The following SYNPR variants were observed in gnomAD, a reference collection of about 807,000 sequenced individuals.
The protein encoded by SYNPR is synaptoporin.
Under a neutral mutation model 32.9 loss-of-function variants are expected in SYNPR, and 23 were observed. The observed-to-expected ratio is 0.70, with a 90% confidence interval of 0.50 to 0.99. The LOEUF (loss-of-function observed/expected upper bound fraction) is 0.99, where lower values mean the gene tolerates loss of function less well. Ranked by LOEUF, SYNPR falls within the 50% of genes least tolerant of loss-of-function variation. The pLI is 0.00. For synonymous variants in SYNPR, 146 were observed against 135.9 expected (o/e 1.07, Z -0.52); for missense variants, 318 against 349.3 (o/e 0.91, Z 0.71).
chr3:63,456,559 G>GATC (rs1472843569), intron 2 of SYNPR, among the ~76,000 whole-genome samples: 2 of 152,174 alleles, frequency 1.3e-5, no homozygotes, highest in Admixed American at 1.3e-4. Flanking sequence ...TGAGACAGGG[G>GATC]ATCACCCTCT....
At chr3:63,205,489 A>T in the SYNPR span, among the ~76,000 whole-genome samples, 4 of 152,220 alleles carry the variant, frequency 2.6e-5, no homozygotes, top group Non-Finnish European at 5.9e-5. Flanking sequence ...CCCATCACTT[A>T]TAGGGAGAAG....
intron 2 of SYNPR, among the ~76,000 whole-genome samples, chr3:63,304,426 T>C (rs998545982): frequency 1.3e-5 from 2 of 151,884 alleles, no homozygotes; most frequent in African/African-American, 4.8e-5. Flanking sequence ...ATTTTTCCTC[T>C]TTTAACAATG....
intron 4 of SYNPR, among the ~76,000 whole-genome samples, chr3:63,591,400 A>G (rs1337879430): frequency 7.8e-6 from 1 of 127,756 alleles, no homozygotes; most frequent in Non-Finnish European, 1.6e-5. Flanking sequence ...CAGTGTGGCG[A>G]TTCCTCAGGG....
chr3:63,567,366 T>G (rs186084272), intron 4 of SYNPR, among the ~76,000 whole-genome samples: 205 of 152,306 alleles, frequency 1.3e-3, no homozygotes, highest in Non-Finnish European at 2.0e-3. Context: ...ACTTGGAAAT[T>G]TGATTGGGGC....
At position 63,305,069 on chromosome 3, in the gene SYNPR, AT is replaced by A. The variant is rs138185297; in HGVS notation, c.84+26328del. On this transcript the variant is annotated intron_variant, in intron 2 of 5. Transcript: ENST00000478300. ...ATCCCAGTGACCTTCTGGTATTCAA[AT>A]CTTTATGCAGTCCCCTCCCACATTG... is the stretch of plus-strand genomic sequence containing the variant. Among the ~76,000 whole-genome samples the A allele has an allele frequency of 3.1e-4, 47 of 152,056 alleles. No individual in the cohort carries two copies. In the East Asian group the frequency reaches 8.2e-3, roughly 26 times the overall value.
chr3:63,276,356 C>T (rs752277858), upstream of SYNPR, among the ~76,000 whole-genome samples: 1 of 152,152 alleles, frequency 6.6e-6, no homozygotes, highest in Non-Finnish European at 1.5e-5. Flanking sequence ...CTGATATGGA[C>T]CTCTGAGTCT....
At chr3:63,537,843 G>A (rs980210824) in intron 3 of SYNPR, among the ~76,000 whole-genome samples, 2 of 152,056 alleles carry the variant, frequency 1.3e-5, no homozygotes, top group Non-Finnish European at 2.9e-5. Context: ...AGCTTCCTAA[G>A]AAGAATAAGA....
At chr3:63,408,277 G>GAGGAAGGAAGGA (rs71126602) in intron 2 of SYNPR, among the ~76,000 whole-genome samples, 32 of 45,636 alleles carry the variant, frequency 7.0e-4, no homozygotes, top group Admixed American at 1.8e-3. Context: ...AAGAAAGAAA[G>GAGGAAGGAAGGA]AGGAAGGAAG....
At chr3:63,593,895 C>G (rs58805987) in intron 4 of SYNPR, among the ~76,000 whole-genome samples, 32 of 152,084 alleles carry the variant, frequency 2.1e-4, no homozygotes, top group Non-Finnish European at 4.7e-4. Context: ...TGGTCTCCCC[C>G]ACTCTCTTCC....
chr3:63,224,225 T>C (rs2086112968), upstream of SYNPR, among the ~76,000 whole-genome samples: 2 of 152,194 alleles, frequency 1.3e-5, no homozygotes, highest in Admixed American at 1.3e-4. Flanking sequence ...AGCTGCAGCA[T>C]TAGATTCTCA....
In SYNPR at chr3:63,442,944, T is replaced by C. The variant is rs536376320; in HGVS notation, c.85-37888T>C. 6 of 770,230 alleles carry C rather than the reference T, an allele frequency of 7.8e-6. No homozygotes were observed. The South Asian group carries it at 3.5e-4, about 45-fold the overall frequency. The allele number at this position is 770,230 out of a possible 1,614,324, so 47.7% of individuals were successfully genotyped here. ...TTTATAAAACCACCATTTTTCCCCATACCCTTAAAACACAAAATTCTGGCT... is the reference window on the plus strand; with the variant it reads ...TTTATAAAACCACCATTTTTCCCCACACCCTTAAAACACAAAATTCTGGCT... On this transcript the variant is annotated intron_variant, in intron 2 of 5. Coordinates refer to ENST00000478300, the MANE Select transcript of SYNPR (RefSeq NM_001130003.2).
intron 1 of SYNPR, among the ~76,000 whole-genome samples, chr3:63,248,177 T>C (rs909039486): frequency 2.6e-5 from 4 of 152,154 alleles, no homozygotes; most frequent in Admixed American, 6.6e-5. Context: ...CCCTGCAGAA[T>C]TCATCAGACC....
intron 1 of SYNPR, among the ~76,000 whole-genome samples, chr3:63,234,745 G>A (rs2086189350): frequency 6.6e-6 from 1 of 152,208 alleles, no homozygotes; most frequent in Admixed American, 6.5e-5. Context: ...AAAGTAGCAT[G>A]TTCTGCTCGG....
chr3:63,248,909 G>A (rs1413554640), intron 1 of SYNPR, among the ~76,000 whole-genome samples: 2 of 151,962 alleles, frequency 1.3e-5, no homozygotes, highest in Non-Finnish European at 2.9e-5. Flanking sequence ...CATTGTCAAC[G>A]CATAATTGTT....
chr3:63,317,577 T>C (rs1424191081), intron 2 of SYNPR, among the ~76,000 whole-genome samples: 1 of 152,058 alleles, frequency 6.6e-6, no homozygotes, highest in African/African-American at 2.4e-5. Flanking sequence ...GGTGTCCATT[T>C]GCACAAAATG....
chr3:63,486,062 C>A (rs1701142852), intron 3 of SYNPR, among the ~76,000 whole-genome samples: 2 of 152,254 alleles, frequency 1.3e-5, no homozygotes. Context: ...ATGTGCACCA[C>A]CATGCCTGGC....
At chr3:63,308,997 T>C (rs890540631) in intron 2 of SYNPR, among the ~76,000 whole-genome samples, 1 of 151,986 alleles carries the variant, frequency 6.6e-6, no homozygotes, top group Non-Finnish European at 1.5e-5. Context: ...GCTTCTTGAA[T>C]TGGTCCCACA....
At chr3:63,567,680 A>C (rs1366973026) in intron 4 of SYNPR, among the ~76,000 whole-genome samples, 1 of 152,222 alleles carries the variant, frequency 6.6e-6, no homozygotes, top group African/African-American at 2.4e-5. Flanking sequence ...ATCCTAATCA[A>C]AGTTACAGAT....
At chr3:63,552,686 G>A (rs554578627) in intron 3 of SYNPR, among the ~76,000 whole-genome samples, 23 of 152,066 alleles carry the variant, frequency 1.5e-4, no homozygotes, top group African/African-American at 5.1e-4. Context: ...TAACGCCAGT[G>A]GTCCATGAGC....
Sources: gnomAD v4.1 joint callset for allele counts (sites outside exome capture counted in the v4.1 genomes callset) on GRCh38, gnomAD v4.1.1 for gene constraint, MANE v1.5 for transcripts, NCBI Gene and HGNC (gene_info 2026-07-23, HGNC 2026-07-21) for gene names.